Variants in DRC8 observed in about 807,000 individuals in gnomAD.
DRC8 encodes the protein dynein regulatory complex protein 8.
chr1:245,118,407 C>T, the DRC8 span, among the ~76,000 whole-genome samples: 11 of 152,148 alleles, frequency 7.2e-5, no homozygotes, highest in African/African-American at 2.7e-4. Context: ...CAGCTTTCTT[C>T]GGAGAACTGG....
At chr1:245,027,397 A>T in the DRC8 span, among the ~76,000 whole-genome samples, 1 of 152,198 alleles carries the variant, frequency 6.6e-6, no homozygotes, top group East Asian at 1.9e-4. Flanking sequence ...AAAATCTAGG[A>T]TATAATCTTC....
chr1:245,046,192 C>T, the DRC8 span, among the ~76,000 whole-genome samples: 1 of 151,970 alleles, frequency 6.6e-6, no homozygotes, highest in Non-Finnish European at 1.5e-5. Flanking sequence ...TGTCTAATGT[C>T]TTGTTTTCTT....
chr1:245,085,864 C>T, the DRC8 span, among the ~76,000 whole-genome samples: 6 of 152,218 alleles, frequency 3.9e-5, no homozygotes, highest in Non-Finnish European at 8.8e-5. Flanking sequence ...TACAATAGGA[C>T]TGTCTGTGGC....
At chr1:245,098,486 A>G in the DRC8 span, among the ~76,000 whole-genome samples, 1 of 152,166 alleles carries the variant, frequency 6.6e-6, no homozygotes, top group East Asian at 1.9e-4. Context: ...AGGCAAACAT[A>G]GTATCAGGGC....
chr1:245,015,170 G>T, the DRC8 span, among the ~76,000 whole-genome samples: 60 of 152,154 alleles, frequency 3.9e-4, no homozygotes, highest in South Asian at 1.0e-3. Flanking sequence ...AGGCTGGCGT[G>T]CAGTAGTGTG....
At chr1:245,101,587 C>T in the DRC8 span, among the ~76,000 whole-genome samples, 1 of 152,014 alleles carries the variant, frequency 6.6e-6, no homozygotes, top group Non-Finnish European at 1.5e-5. Flanking sequence ...ACTAGTATTT[C>T]CTTGATTTAT....
chr1:245,042,176 C>T, the DRC8 span, among the ~76,000 whole-genome samples: 1 of 152,200 alleles, frequency 6.6e-6, no homozygotes, highest in Non-Finnish European at 1.5e-5. Flanking sequence ...GGAGTGCCTG[C>T]GCCATGGCAC....
chr1:245,062,381 T>C, the DRC8 span, among the ~76,000 whole-genome samples: 67 of 152,238 alleles, frequency 4.4e-4, no homozygotes, highest in Non-Finnish European at 8.7e-4. Flanking sequence ...TCACAAAAAC[T>C]GGCAACTGTG....
chr1:244,998,625 G>T, the DRC8 span, among the ~76,000 whole-genome samples: 3 of 152,136 alleles, frequency 2.0e-5, no homozygotes, highest in African/African-American at 7.2e-5. Flanking sequence ...TCTGGCTAAT[G>T]AAGTAGAAAA....
the DRC8 span, among the ~76,000 whole-genome samples, chr1:245,092,252 A>G: frequency 6.6e-6 from 1 of 152,234 alleles, no homozygotes; most frequent in Non-Finnish European, 1.5e-5. Flanking sequence ...CAAATGCCCA[A>G]GAGACAAAAA....
chr1:245,094,331 T>C, the DRC8 span, among the ~76,000 whole-genome samples: 3 of 152,316 alleles, frequency 2.0e-5, no homozygotes, highest in South Asian at 6.3e-4. Flanking sequence ...GGTTACTTTT[T>C]AGGAACTTTT....
the DRC8 span, among the ~76,000 whole-genome samples, chr1:245,034,924 A>G: frequency 6.6e-6 from 1 of 150,726 alleles, no homozygotes; most frequent in African/African-American, 2.5e-5. Context: ...CTTATTTGGG[A>G]AAGGACAAAT....
chr1:245,047,635 C>CAAAA, the DRC8 span, among the ~76,000 whole-genome samples: 3 of 103,876 alleles, frequency 2.9e-5, no homozygotes, highest in East Asian at 2.9e-4. Flanking sequence ...ACTCCATCTC[C>CAAAA]AAAAAAAAAA....
At chr1:244,974,214 C>T in the DRC8 span, among the ~76,000 whole-genome samples, 1 of 152,090 alleles carries the variant, frequency 6.6e-6, no homozygotes, top group Admixed American at 6.5e-5. Context: ...GATTCTTTGG[C>T]TCCTTAAATC....
At chr1:245,059,599 T>G in the DRC8 span, 3 of 616,250 alleles carry the variant, frequency 4.9e-6, no homozygotes, top group Non-Finnish European at 8.2e-6. Flanking sequence ...AGGATAACTA[T>G]TCATATTAGC....
chr1:245,093,401 T>TA, the DRC8 span, among the ~76,000 whole-genome samples: 1 of 151,988 alleles, frequency 6.6e-6, no homozygotes, highest in East Asian at 1.9e-4. Flanking sequence ...TTATTTTTCT[T>TA]AAAAAAGAAA....
At chr1:245,037,627 A>T in the DRC8 span, among the ~76,000 whole-genome samples, 1 of 152,212 alleles carries the variant, frequency 6.6e-6, no homozygotes, top group Non-Finnish European at 1.5e-5. Flanking sequence ...AAGCAATATA[A>T]TTATATAGGT....
the DRC8 span, among the ~76,000 whole-genome samples, chr1:245,096,213 T>C: frequency 6.6e-6 from 1 of 152,206 alleles, no homozygotes; most frequent in African/African-American, 2.4e-5. Context: ...AGAACAAATA[T>C]TATTTGCAGG....
the DRC8 span, chr1:245,059,457 A>G: frequency 1.2e-6 from 2 of 1,611,986 alleles, no homozygotes; most frequent in Non-Finnish European, 1.7e-6. Flanking sequence ...CTGATTGCAG[A>G]GGTGAGTACG....
Sources: gnomAD v4.1 joint callset for allele counts (sites outside exome capture counted in the v4.1 genomes callset) on GRCh38, gnomAD v4.1.1 for gene constraint, MANE v1.5 for transcripts, NCBI Gene and HGNC (gene_info 2026-07-23, HGNC 2026-07-21) for gene names.